ENDOV: variants seen among roughly 807,000 people sequenced by gnomAD.
ENDOV encodes the protein hEndoV.
In ENDOV, 37 loss-of-function variants were observed where a neutral mutation model predicts 39.4. The ratio of observed to expected loss-of-function variants is 0.94; its 90% CI spans 0.72 to 1.23. The LOEUF is 1.23. ENDOV is among the 50% of genes most tolerant of loss of function. The pLI is 0.00. For synonymous variants in ENDOV, 186 were observed against 163.4 expected, an observed-to-expected ratio of 1.14 and a Z score of -1.05; for missense variants, 441 against 375.7, an observed-to-expected ratio of 1.17 and a Z score of -1.44.
At chr17:80,430,494 G>C in intron 9 of ENDOV, 1 of 755,162 alleles carries the variant, frequency 1.3e-6, no homozygotes, top group Non-Finnish European at 1.9e-6. Flanking sequence ...CCTCTGCCCT[G>C]ACACGGGAGG....
At chr17:80,415,526 C>T (rs1310126342) in intron 1 of ENDOV, 124 bp from the exon 2 acceptor site, 1 of 1,285,290 alleles carries the variant, frequency 7.8e-7, no homozygotes, top group Non-Finnish European at 1.1e-6. Context: ...GCGGTATGTC[C>T]CTTGCTTTCC....
intron 7 of ENDOV, chr17:80,427,773 G>A (rs1325523332): frequency 7.8e-7 from 1 of 1,289,214 alleles, no homozygotes; most frequent in Non-Finnish European, 1.0e-6. Flanking sequence ...GTGGCCCCAT[G>A]GTCACAGGCG....
At chr17:80,422,049 G>A in intron 3 of ENDOV, 87 bp downstream of exon 3, 2 of 1,569,868 alleles carry the variant, frequency 1.3e-6, no homozygotes. Flanking sequence ...CCACCACAGT[G>A]GCAGGGAGAG....
At chr17:80,434,571 G>GGGTTCCA (rs2083496382) in intron 9 of ENDOV, among the ~76,000 whole-genome samples, 1 of 152,176 alleles carries the variant, frequency 6.6e-6, no homozygotes, top group South Asian at 2.1e-4. Flanking sequence ...CAATGCCCAA[G>GGGTTCCA]GGTTCCAGGT....
In ENDOV at chr17:80,427,757, G is replaced by A. The variant is rs546846612; in HGVS notation, c.715-839G>A. On this transcript the variant is annotated intron_variant, in intron 7 of 9. Coordinates refer to ENST00000518137, the MANE Select transcript of ENDOV (RefSeq NM_173627.5). Reference sequence around the variant, plus strand: ...TCTCTCCCTGGCTCCGCGCCGGGCCGTCTTGGTGGCCCCATGGTCACAGGC... The same window carrying A: ...TCTCTCCCTGGCTCCGCGCCGGGCCATCTTGGTGGCCCCATGGTCACAGGC... 1.9e-4 allele frequency: 246 copies of A among 1,289,326 alleles called. No homozygotes were observed. The African/African-American group carries it at 2.5e-3, about 13-fold the overall frequency. The allele number at this position is 1,289,326 out of a possible 1,614,324, so 79.9% of individuals were successfully genotyped here.
At position 80,428,678 on chromosome 17, in the gene ENDOV, C is replaced by T. The variant is rs372400090; in HGVS notation, c.779+18C>T. The stretch of plus-strand genomic sequence containing the variant: ...ACACCGAGGTGAGCACCCAGGGAGG[C>T]TGGGGCACTAAAGGGGCATCTCACA... On this transcript the variant is annotated intron_variant, in intron 8 of 9. Coordinates refer to ENST00000518137, the MANE Select transcript of ENDOV (RefSeq NM_173627.5). The T allele has an allele frequency of 3.8e-4, 601 of 1,565,950 alleles. 3 individuals carry two copies. In the Middle Eastern group the frequency reaches 7.5e-3, roughly 19 times the overall value.
At chr17:80,417,823 G>A (rs946284364) in intron 2 of ENDOV, 1 of 152,186 alleles carries the variant, frequency 6.6e-6, no homozygotes, top group Non-Finnish European at 1.5e-5. Context: ...TGAGGAAGAC[G>A]CTGGACTCTT....
intron 9 of ENDOV, among the ~76,000 whole-genome samples, chr17:80,430,916 C>T (rs2083293614): frequency 6.6e-6 from 1 of 152,146 alleles, no homozygotes; most frequent in Non-Finnish European, 1.5e-5. Flanking sequence ...GAGGCGCCAG[C>T]TGAGGAGTGG....
intron 9 of ENDOV, chr17:80,430,465 C>A: frequency 9.0e-7 from 1 of 1,108,858 alleles, no homozygotes; most frequent in Non-Finnish European, 1.2e-6. Flanking sequence ...AGGTCCTCAG[C>A]CCCAGCCACA....
At chr17:80,427,385 A>G (rs1206148313) in intron 7 of ENDOV, 5 of 979,968 alleles carry the variant, frequency 5.1e-6, no homozygotes, top group Non-Finnish European at 4.8e-6. Flanking sequence ...GCCCCAGAGT[A>G]GGACAGTGGC....
chr17:80,417,668 G>A (rs1487879493), intron 2 of ENDOV: 2 of 152,292 alleles, frequency 1.3e-5, no homozygotes, highest in South Asian at 4.1e-4. Context: ...TTCAACATAG[G>A]AATTTGGGGA....
intron 2 of ENDOV, among the ~76,000 whole-genome samples, chr17:80,420,883 G>A (rs1487601643): frequency 6.6e-6 from 1 of 152,214 alleles, no homozygotes; most frequent in Non-Finnish European, 1.5e-5. Flanking sequence ...CTCCATGTTG[G>A]TCAGGCTGGT....
intron 2 of ENDOV, among the ~76,000 whole-genome samples, chr17:80,421,270 ATCT>A (rs113930320): frequency 2.3e-4 from 31 of 134,690 alleles, no homozygotes; most frequent in Non-Finnish European, 2.7e-4. Flanking sequence ...ATCCCGGGGA[ATCT>A]TCCTATGGAC....
intron 2 of ENDOV, among the ~76,000 whole-genome samples, chr17:80,419,190 CAG>C (rs2081616389): frequency 7.5e-6 from 1 of 133,306 alleles, no homozygotes. Flanking sequence ...AAAAAAAAAA[CAG>C]ATTCCAGAGC....
At chr17:80,426,568 C>T (rs1250447225) in intron 7 of ENDOV, among the ~76,000 whole-genome samples, 4 of 152,260 alleles carry the variant, frequency 2.6e-5, no homozygotes, top group South Asian at 2.1e-4. Context: ...GGAGGATCAC[C>T]TGAGCCCAGG....
chr17:80,421,290 C>T (rs879717186), intron 2 of ENDOV, among the ~76,000 whole-genome samples: 11 of 75,720 alleles, frequency 1.5e-4, no homozygotes, highest in Non-Finnish European at 3.3e-4. Context: ...GGACCGGGTC[C>T]CGGGGAATCC....
intron 2 of ENDOV, chr17:80,420,115 C>T (rs982544908): frequency 1.1e-5 from 2 of 180,212 alleles, no homozygotes; most frequent in South Asian, 1.3e-4. Flanking sequence ...GCGTGTGTAC[C>T]GTACATCCCA....
In ENDOV at chr17:80,436,121, TG is replaced by T. The variant is rs2083580098; in HGVS notation, c.839-10del. The T allele has an allele frequency of 6.2e-7, 1 of 1,611,056 alleles. No individual in the cohort carries two copies. Among genetic ancestry groups the T allele is most frequent in the Non-Finnish European group, 8.5e-7 (1 of 1,179,516 alleles). ...CTTTTTCTTGCCTCATTGCTCTGGCTGGAACGTCTAGCACTTTGTTGAACGT... is the reference window on the plus strand; with the variant it reads ...CTTTTTCTTGCCTCATTGCTCTGGCTGAACGTCTAGCACTTTGTTGAACGT... On this transcript the variant is annotated splice_polypyrimidine_tract_variant and intron_variant, in intron 9 of 9. Transcript: ENST00000518137.
intron 2 of ENDOV, chr17:80,417,531 A>G (rs764002677): frequency 2.0e-5 from 3 of 152,280 alleles, no homozygotes; most frequent in African/African-American, 7.2e-5. Flanking sequence ...TGCCAGCGCA[A>G]TCAGGTTGTG....
Sources: gnomAD v4.1 joint callset for allele counts (sites outside exome capture counted in the v4.1 genomes callset) on GRCh38, gnomAD v4.1.1 for gene constraint, MANE v1.5 for transcripts, NCBI Gene and HGNC (gene_info 2026-07-23, HGNC 2026-07-21) for gene names.